Variants in UNKL observed in about 807,000 individuals in gnomAD.
UNKL encodes the protein unk like zinc finger.
UNKL carries 60 observed loss-of-function variants against 78.0 expected under a neutral mutation model. The ratio of observed to expected loss-of-function variants is 0.77; its 90% CI spans 0.63 to 0.95. The LOEUF is 0.95. UNKL is among the 40% of genes least tolerant of loss of function. The probability of loss-of-function intolerance (pLI) is 0.00; values close to 1 mark genes in which losing one functional copy is unlikely to be tolerated. For missense variants in UNKL, 1,159 were observed against 1,045.7 expected (o/e 1.11, Z -1.49); for synonymous variants, 608 against 474.8 (o/e 1.28, Z -3.65).
chr16:1,366,434 G>A (rs774885372), intron 14 of UNKL, 39 bp from the exon 15 acceptor site: 13 of 1,528,024 alleles, frequency 8.5e-6, no homozygotes, highest in Middle Eastern at 2.3e-4. Flanking sequence ...GGAGGCCCCT[G>A]CCCAGGCTGG....
chr16:1,379,534 TGGC>T, intron 10 of UNKL: 1 of 984,984 alleles, frequency 1.0e-6, no homozygotes, highest in Non-Finnish European at 1.2e-6. Flanking sequence ...GGGACGCACC[TGGC>T]GGGGGGCGCA....
In UNKL at chr16:1,399,137, T is replaced by G. The variant is rs867212446; in HGVS notation, c.734+237A>C. On this transcript the variant is annotated intron_variant, in intron 5 of 14. Transcript: ENST00000389221. The surrounding 1 kb of genome is among the most constrained non-coding windows in gnomAD (Gnocchi z 5.8). ...CCCTTGCCTGGCAGAGGGGCCCCGG[T>G]AGGGGACTGCATGGGAGACACTGAG... 7.0e-6 allele frequency: 8 copies of G among 1,140,430 alleles called. No individual in the cohort carries two copies. Among genetic ancestry groups the G allele is most frequent in the Middle Eastern group, 3.0e-4 (1 of 3,320 alleles). 70.6% of individuals were successfully genotyped at this position (1,140,430 alleles called of 1,614,324 possible).
intron 10 of UNKL, among the ~76,000 whole-genome samples, chr16:1,384,139 T>G (rs1327928314): frequency 6.6e-6 from 1 of 152,050 alleles, no homozygotes; most frequent in Non-Finnish European, 1.5e-5. Context: ...ACATGGGGCT[T>G]CAGCACATCC....
chr16:1,413,723 T>A lies in UNKL; in HGVS notation c.287+123A>T, dbSNP rs1358740363. On this transcript the variant is annotated intron_variant, in intron 2 of 14. Transcript: ENST00000389221. ...TCACTAGAAAATTTCAGCGTATAAT[T>A]ACGACTCCCTCTGCAGGGGCCAGGT... The A allele has an allele frequency of 6.3e-6, 7 of 1,117,092 alleles. No homozygotes were observed. In the East Asian group the frequency reaches 1.8e-4, roughly 29 times the overall value. The allele number at this position is 1,117,092 out of a possible 1,614,324, so 69.2% of individuals were successfully genotyped here. A position where few individuals can be genotyped will look rare whatever the true frequency, so the allele number is the denominator to read the frequency against.
chr16:1,365,792 TA>T lies in UNKL; in HGVS notation c.*447del, dbSNP rs572070587. The T allele has an allele frequency of 3.2e-5, 5 of 154,072 alleles. No individual in the cohort carries two copies. The highest frequency in any genetic ancestry group is 7.2e-5 in the Non-Finnish European group (5 of 69,496). The allele number at this position is 154,072 out of a possible 1,614,324, so 9.5% of individuals were successfully genotyped here. ...TATAAAGCTTCATATTATCGCATAT[TA>T]AAAAAAAACAGAAAGCAGCTTAGAG... On this transcript the variant is annotated 3_prime_UTR_variant, in exon 15 of 15. Coordinates refer to ENST00000389221, the MANE Select transcript of UNKL (RefSeq NM_001372107.1).
Position 1,371,560 on chromosome 16 carries a change from T to C in UNKL, c.1316A>G (p.Lys439Arg). 1 of 1,536,214 alleles carries C rather than the reference T, an allele frequency of 6.5e-7. No homozygotes were observed. The highest frequency in any genetic ancestry group is 8.7e-7 in the Non-Finnish European group (1 of 1,146,912). The change falls in exon 11 of 15, where the codon AAG (lysine) becomes AGG (arginine). Residue 439 changes from lysine to arginine, a missense_variant. Coordinates refer to ENST00000389221, the MANE Select transcript of UNKL (RefSeq NM_001372107.1). ...LSNVNIASLE[K>R]DLEEQDGHDL... Reference sequence around the variant, plus strand: ...GTGGCCGTCTTGCTCTTCCAGGTCCTTCTCTAGGGATGCAATATTCACATT... The same window carrying C: ...GTGGCCGTCTTGCTCTTCCAGGTCCCTCTCTAGGGATGCAATATTCACATT...
At position 1,413,904 on chromosome 16, in the gene UNKL, G is replaced by C; in HGVS notation, c.229C>G (p.Pro77Ala). The C allele has an allele frequency of 6.4e-7, 1 of 1,558,944 alleles. No homozygotes were observed. The highest frequency in any genetic ancestry group is 8.7e-7 in the Non-Finnish European group (1 of 1,151,578). ...TTGTACTTGGAGCAGTACACGTCGG[G>C]GCTGTAGTTGAAGGTGCCGTCGCGC... ...RRRDGTFNYS[P>A]DVYCSKYNEA... The change falls in exon 2 of 15, where the codon CCC becomes GCC. Residue 77 changes from proline to alanine, a missense_variant. By Grantham distance (27) the Pro-to-Ala change is conservative. Transcript: ENST00000389221.
At position 1,401,843 on chromosome 16, in the gene UNKL, G is replaced by C. The variant is rs1412647229; in HGVS notation, c.465-142C>G. 3.4e-6 allele frequency: 4 copies of C among 1,176,548 alleles called. No individual in the cohort carries two copies. The African/African-American group carries it at 4.6e-5, about 14-fold the overall frequency. The allele number at this position is 1,176,548 out of a possible 1,614,324, so 72.9% of individuals were successfully genotyped here. A position where few individuals can be genotyped will look rare whatever the true frequency, so the allele number is the denominator to read the frequency against. On this transcript the variant is annotated intron_variant, in intron 3 of 14. Coordinates refer to ENST00000389221, the MANE Select transcript of UNKL (RefSeq NM_001372107.1). ...GGTTCAGGACGGAGTCTCAGTGTGT[G>C]GCGCTCCGCTGTCCTGGCCCGCAGT...
chr16:1,376,492 C>T (rs2036237750), intron 10 of UNKL, among the ~76,000 whole-genome samples: 1 of 152,154 alleles, frequency 6.6e-6, no homozygotes, highest in East Asian at 1.9e-4. Flanking sequence ...CACTCCTCCT[C>T]CTGGCGTCCA....
At chr16:1,392,377 T>C (rs1391863067) in intron 8 of UNKL, among the ~76,000 whole-genome samples, 1 of 152,104 alleles carries the variant, frequency 6.6e-6, no homozygotes, top group Non-Finnish European at 1.5e-5. Context: ...GAAGTTGCTC[T>C]TACCTTCCGC....
chr16:1,369,899 T>C, intron 12 of UNKL: 3 of 1,517,974 alleles, frequency 2.0e-6, no homozygotes, highest in Non-Finnish European at 2.7e-6. Flanking sequence ...TGCTTGAACC[T>C]GGGAGGCGGA....
At chr16:1,392,787 C>G in intron 8 of UNKL, 104 bp downstream of exon 8, 1 of 1,352,944 alleles carries the variant, frequency 7.4e-7, no homozygotes, top group Non-Finnish European at 1.0e-6. Context: ...ACTCCACAGA[C>G]TGCCCACGAC....
Position 1,392,954 on chromosome 16 carries a change from T to C in UNKL, c.960A>G (p.Glu320=), listed in dbSNP as rs1293988291. 1.3e-6 allele frequency: 2 copies of C among 1,550,364 alleles called. No homozygotes were observed. The highest frequency in any genetic ancestry group is 3.9e-5 in the Admixed American group (2 of 50,974). ...HVEKSLGMVN[E]WGCHDLHLTS... ...TGAGGTGGAGGTCGTGACAGCCCCA[T>C]TCATTCACCATCCCCAGGCTCTCTG... The change falls in exon 8 of 15, where the codon GAA becomes GAG. Residue 320 remains glutamate, a synonymous_variant. Transcript: ENST00000389221.
rs999485110 is a variant in UNKL, at chr16:1,403,743, G to A, written c.288-399C>T. Among the ~76,000 whole-genome samples, 1 of 152,140 alleles carries A rather than the reference G, an allele frequency of 6.6e-6. No homozygotes were observed. Among genetic ancestry groups the A allele is most frequent in the Non-Finnish European group, 1.5e-5 (1 of 68,022 alleles). ...GCAGGCTGCGTCACCTTCCTTACCC[G>A]TCGCAGTCACAAAGTGGGGGCCCCT... On this transcript the variant is annotated intron_variant, in intron 2 of 14. Transcript: ENST00000389221. This position sits in a 1 kb window ranked among gnomAD's most constrained non-coding sequence, Gnocchi z 4.8.
In UNKL at chr16:1,363,407, A is replaced by C; in HGVS notation, c.*2833T>G. 3 of 376,300 alleles carry C rather than the reference A, an allele frequency of 8.0e-6. No homozygotes were observed. Among genetic ancestry groups the C allele is most frequent in the Non-Finnish European group, 1.0e-5 (2 of 196,668 alleles). The allele number at this position is 376,300 out of a possible 1,614,324, so 23.3% of individuals were successfully genotyped here. Reference sequence around the variant, plus strand: ...AACATTCTCATGTAAATACTCAAACATACAGATTGAGGCTTCCAGAAATTA... The same window carrying C: ...AACATTCTCATGTAAATACTCAAACCTACAGATTGAGGCTTCCAGAAATTA... On this transcript the variant is annotated 3_prime_UTR_variant, in exon 15 of 15. Transcript: ENST00000389221.
chr16:1,396,655 A>G (rs1362828183), intron 6 of UNKL, among the ~76,000 whole-genome samples: 4 of 151,810 alleles, frequency 2.6e-5, no homozygotes, highest in East Asian at 1.9e-4. Context: ...GTGCAGTGGC[A>G]CGATCTCAGC....
Position 1,401,760 on chromosome 16 carries a change from G to A in UNKL, c.465-59C>T, listed in dbSNP as rs769910919. On this transcript the variant is annotated intron_variant, in intron 3 of 14. Transcript: ENST00000389221. The stretch of plus-strand genomic sequence containing the variant: ...CATCTGGAGCCTCCAAAGCTGAAAC[G>A]AGGTCACTGGAGGGCACGCTCCCCT... 123 of 1,550,266 alleles carry A rather than the reference G, an allele frequency of 7.9e-5. 1 individual carries two copies. The highest frequency in any genetic ancestry group is 9.9e-5 in the Non-Finnish European group (113 of 1,146,850).
At chr16:1,400,285 GTGCC>G (rs1205224243) in intron 4 of UNKL, among the ~76,000 whole-genome samples, 1 of 151,794 alleles carries the variant, frequency 6.6e-6, no homozygotes, top group African/African-American at 2.4e-5. Flanking sequence ...GGGCATACTG[GTGCC>G]TGCCTGTAAT....
chr16:1,368,096 TC>T, intron 12 of UNKL: 1 of 572,730 alleles, frequency 1.7e-6, no homozygotes, highest in South Asian at 2.1e-5. Context: ...ATCTACGCCT[TC>T]CTGGCCACCT....
Sources: allele counts gnomAD v4.1 joint callset (sites outside exome capture counted in the v4.1 genomes callset), GRCh38; gene constraint gnomAD v4.1.1; non-coding constraint Gnocchi (gnomAD v3.1); transcripts MANE v1.5; gene names NCBI Gene and HGNC (gene_info 2026-07-23, HGNC 2026-07-21).